The following AMOTL1 variants were observed in gnomAD, a reference collection of about 807,000 sequenced individuals.
The protein encoded by AMOTL1 is angiomotin like 1, also known as angiomotin-like protein 1.
In AMOTL1, 45 loss-of-function variants were observed where a neutral mutation model predicts 102.9. That is an observed-to-expected ratio of 0.44 (90% CI 0.34 to 0.56). The LOEUF is 0.56. Among genes scored for constraint, AMOTL1 ranks in the 20% least tolerant of loss-of-function variants. The pLI is 0.01. For missense variants in AMOTL1, 1,114 were observed against 1,225.6 expected (o/e 0.91, Z 1.36); for synonymous variants, 481 against 484.7 (o/e 0.99, Z 0.10).
intron 1 of AMOTL1, among the ~76,000 whole-genome samples, chr11:94,721,870 T>G (rs1177606927): frequency 6.6e-6 from 1 of 152,278 alleles, no homozygotes. Context: ...TGTTTTCACC[T>G]GTTCGGGTAT....
intron 1 of AMOTL1, among the ~76,000 whole-genome samples, chr11:94,784,986 AG>A (rs1951162914): frequency 6.6e-6 from 1 of 152,056 alleles, no homozygotes; most frequent in Non-Finnish European, 1.5e-5. Context: ...AAAAAAGAAA[AG>A]AAAAGAAAAT....
At chr11:94,735,038 T>C (rs1950417730) in intron 2 of AMOTL1, among the ~76,000 whole-genome samples, 1 of 152,202 alleles carries the variant, frequency 6.6e-6, no homozygotes, top group Non-Finnish European at 1.5e-5. Context: ...GAAAGAAGCA[T>C]ATCTGTGTGA....
chr11:94,827,006 G>A (rs1003256191), intron 4 of AMOTL1, among the ~76,000 whole-genome samples: 1 of 152,100 alleles, frequency 6.6e-6, no homozygotes, highest in African/African-American at 2.4e-5. Flanking sequence ...GTATGCAGAG[G>A]GAGGTTCTTT....
In AMOTL1 at chr11:94,850,227, G is replaced by T; in HGVS notation, c.1762G>T (p.Ala588Ser). The change falls in exon 7 of 13, where the codon GCC (alanine) becomes TCC (serine). Residue 588 changes from alanine to serine, a missense_variant. By Grantham distance (99) the Ala-to-Ser change is moderately conservative (BLOSUM62 1). Coordinates refer to ENST00000433060, the MANE Select transcript of AMOTL1 (RefSeq NM_130847.3). ...GATCCTGGACCAGGCTTTGAGCAAC[G>T]CCCAGGCCAGGGTCATCAAGCTGGA... ...IEILDQALSN[A>S]QARVIKLEEE... 6.3e-7 allele frequency: 1 copy of T among 1,595,630 alleles called. No homozygotes were observed. The highest frequency in any genetic ancestry group is 2.3e-5 in the East Asian group (1 of 44,284).
chr11:94,772,338 T>C (rs558903256), intron 1 of AMOTL1, among the ~76,000 whole-genome samples: 4 of 152,232 alleles, frequency 2.6e-5, no homozygotes, highest in Middle Eastern at 3.2e-3. Context: ...ATCTCCCTTA[T>C]GCTACACCTC....
intron 11 of AMOTL1, among the ~76,000 whole-genome samples, chr11:94,868,814 C>T (rs943385322): frequency 6.6e-6 from 1 of 152,086 alleles, no homozygotes; most frequent in African/African-American, 2.4e-5. Flanking sequence ...TTGTGGGAAC[C>T]TCCCTACCCC....
intron 3 of AMOTL1, among the ~76,000 whole-genome samples, chr11:94,753,998 G>C (rs573059901): frequency 6.6e-6 from 1 of 152,328 alleles, no homozygotes; most frequent in South Asian, 2.1e-4. Flanking sequence ...GCACTGATGG[G>C]CTGCATGACC....
rs775940814 is a variant in AMOTL1 at position 94,866,054 on chromosome 11, C to T, written c.2374C>T (p.Arg792Cys). The change falls in exon 11 of 13, where the codon CGC becomes TGC. Residue 792 changes from arginine (R) to cysteine (C), a missense_variant. Coordinates refer to ENST00000433060, the MANE Select transcript of AMOTL1 (RefSeq NM_130847.3). The part of the protein sequence containing the change: ...KTDSSSLRPA[R>C]SVPSIAAATG... ...AGACTCCTCCAGCCTACGTCCTGCC[C>T]GCTCCGTTCCATCCATAGCAGCAGC... The T allele has an allele frequency of 2.2e-5, 35 of 1,613,934 alleles. No individual in the cohort carries two copies. The highest frequency in any genetic ancestry group is 2.7e-5 in the Non-Finnish European group (32 of 1,179,894).
At chr11:94,842,517 G>A (rs114922833) in intron 6 of AMOTL1, among the ~76,000 whole-genome samples, 87 of 152,238 alleles carry the variant, frequency 5.7e-4, no homozygotes, top group African/African-American at 2.0e-3. Context: ...GTGTCAACAG[G>A]GACATTCCTA....
chr11:94,735,842 AAC>A (rs1352035365), intron 2 of AMOTL1, among the ~76,000 whole-genome samples: 1 of 152,214 alleles, frequency 6.6e-6, no homozygotes, highest in Non-Finnish European at 1.5e-5. Flanking sequence ...CTTTACAGCA[AAC>A]ACATTTTATT....
intron 3 of AMOTL1, among the ~76,000 whole-genome samples, chr11:94,810,707 A>G (rs1951663135): frequency 6.6e-6 from 1 of 152,000 alleles, no homozygotes; most frequent in African/African-American, 2.4e-5. Context: ...CTTATGCAGC[A>G]GAGTGTGGCA....
At chr11:94,735,253 C>A (rs1354773184) in intron 2 of AMOTL1, among the ~76,000 whole-genome samples, 1 of 152,224 alleles carries the variant, frequency 6.6e-6, no homozygotes, top group East Asian at 1.9e-4. Context: ...AGGTTCCCGG[C>A]TTACAGCTGG....
chr11:94,739,991 G>A (rs1003582721), intron 2 of AMOTL1, among the ~76,000 whole-genome samples: 21 of 152,162 alleles, frequency 1.4e-4, no homozygotes, highest in Non-Finnish European at 2.8e-4. Flanking sequence ...AAGGAGCACT[G>A]CTCTTCTCTC....
intron 6 of AMOTL1, among the ~76,000 whole-genome samples, chr11:94,845,631 A>T (rs933043024): frequency 6.6e-6 from 1 of 152,178 alleles, no homozygotes; most frequent in Admixed American, 6.5e-5. Flanking sequence ...GCTTCATTTG[A>T]GGAGATGGAG....
intron 4 of AMOTL1, among the ~76,000 whole-genome samples, chr11:94,826,100 C>A (rs2135644308): frequency 6.6e-6 from 1 of 152,302 alleles, no homozygotes; most frequent in East Asian, 1.9e-4. Context: ...GCCTGGCTAA[C>A]ATGGTGAAAC....
intron 4 of AMOTL1, among the ~76,000 whole-genome samples, chr11:94,824,668 G>A (rs1160820891): frequency 6.6e-6 from 1 of 152,164 alleles, no homozygotes; most frequent in South Asian, 2.1e-4. Flanking sequence ...TTAGGTCTGG[G>A]GAGAGGGTGG....
At chr11:94,720,511 T>C (rs571671814) in intron 1 of AMOTL1, among the ~76,000 whole-genome samples, 4 of 152,240 alleles carry the variant, frequency 2.6e-5, no homozygotes, top group Middle Eastern at 3.4e-3. Flanking sequence ...AAACCTGATG[T>C]GGAAACATGA....
At chr11:94,814,888 C>T (rs1372802399) in intron 3 of AMOTL1, among the ~76,000 whole-genome samples, 2 of 152,184 alleles carry the variant, frequency 1.3e-5, no homozygotes, top group Admixed American at 6.5e-5. Context: ...TAGATATTCT[C>T]ACCATGATTA....
intron 1 of AMOTL1, among the ~76,000 whole-genome samples, chr11:94,717,798 A>C (rs1467874953): frequency 6.6e-6 from 1 of 151,890 alleles, no homozygotes; most frequent in African/African-American, 2.4e-5. Context: ...ATACTTTAAA[A>C]ATTTTAAATA....
Sources: allele counts gnomAD v4.1 joint callset (sites outside exome capture counted in the v4.1 genomes callset), GRCh38; gene constraint gnomAD v4.1.1; transcripts MANE v1.5; gene names NCBI Gene and HGNC (gene_info 2026-07-23, HGNC 2026-07-21).